The following LRMDA variants were observed in gnomAD, a reference collection of about 807,000 sequenced individuals.
LRMDA encodes the protein leucine rich melanocyte differentiation associated.
Under a neutral mutation model 29.8 loss-of-function variants are expected in LRMDA, and 18 were observed. That is an observed-to-expected ratio of 0.60 (90% CI 0.42 to 0.90). LRMDA has a LOEUF of 0.90. Ranked by LOEUF, LRMDA falls within the 40% of genes least tolerant of loss-of-function variation. The pLI, the probability that LRMDA is intolerant of heterozygous loss-of-function variation, is 0.00. For missense variants in LRMDA, 273 were observed against 273.9 expected, an observed-to-expected ratio of 1.00 and a Z score of 0.02; for synonymous variants, 125 against 109.4, an observed-to-expected ratio of 1.14 and a Z score of -0.89.
chr10:75,586,511 C>G (rs537200488), intron 2 of LRMDA, among the ~76,000 whole-genome samples: 1 of 152,068 alleles, frequency 6.6e-6, no homozygotes, highest in African/African-American at 2.4e-5. Flanking sequence ...GTATGCGCCA[C>G]CATGCCTGGC....
chr10:76,260,539 C>G (rs558721573), intron 5 of LRMDA, among the ~76,000 whole-genome samples: 2 of 151,988 alleles, frequency 1.3e-5, no homozygotes, highest in African/African-American at 4.8e-5. Flanking sequence ...AAGGTTTCTG[C>G]GGAGAAACCC....
rs75979885 is a variant in LRMDA, at chr10:75,932,265, C to G, written c.132-103743C>G. Among the ~76,000 whole-genome samples, 401 of 152,266 alleles carry G rather than the reference C, an allele frequency of 2.6e-3. 2 individuals carry two copies. Among genetic ancestry groups the G allele is most frequent in the African/African-American group, 9.0e-3 (374 of 41,556 alleles). The stretch of plus-strand genomic sequence containing the variant: ...AAAGCTTTCTGATCAGTATAGCTGA[C>G]TGATCAAGCCACATGGCTGCAAATT... On this transcript the variant is annotated intron_variant, in intron 2 of 6. Transcript: ENST00000611255.
chr10:76,435,293 C>T (rs1226465774), intron 6 of LRMDA, among the ~76,000 whole-genome samples: 2 of 152,172 alleles, frequency 1.3e-5, no homozygotes, highest in Non-Finnish European at 2.9e-5. Flanking sequence ...TATAACTTGG[C>T]CTTGCCAAGA....
chr10:76,355,927 G>T (rs779099920), intron 6 of LRMDA, among the ~76,000 whole-genome samples: 3 of 152,102 alleles, frequency 2.0e-5, no homozygotes, highest in Non-Finnish European at 4.4e-5. Context: ...AACTTGTATT[G>T]TTCCCCTTGA....
Position 75,688,224 on chromosome 10 carries a change from G to GA in LRMDA, c.131+249730_131+249731insA, listed in dbSNP as rs1450034350. ...AGATAGTGATTTCTCTGATGGATCT[G>GA]TCAAAGTAAATTGAAAACCTTCTGG... On this transcript the variant is annotated intron_variant, in intron 2 of 6. Transcript: ENST00000611255. Among the ~76,000 whole-genome samples the GA allele has an allele frequency of 3.0e-4, 46 of 152,294 alleles. No homozygotes were observed. The East Asian group carries it at 8.1e-3, about 27-fold the overall frequency.
At chr10:75,974,889 C>T (rs745792700) in intron 2 of LRMDA, among the ~76,000 whole-genome samples, 3 of 152,160 alleles carry the variant, frequency 2.0e-5, no homozygotes, top group Non-Finnish European at 4.4e-5. Context: ...ATGCAAGGCA[C>T]TGTATTAGCT....
chr10:75,435,702 C>G (rs1056802156), intron 1 of LRMDA, among the ~76,000 whole-genome samples: 4 of 152,126 alleles, frequency 2.6e-5, no homozygotes, highest in Admixed American at 1.3e-4. Context: ...TGTGAGTGAT[C>G]CAAATGCTTT....
chr10:76,420,763 G>A (rs1385561518), intron 6 of LRMDA, among the ~76,000 whole-genome samples: 4 of 151,988 alleles, frequency 2.6e-5, no homozygotes, highest in Non-Finnish European at 5.9e-5. Flanking sequence ...TTTCTATGCT[G>A]ATTTTTTTGA....
intron 2 of LRMDA, among the ~76,000 whole-genome samples, chr10:75,671,704 T>C (rs1841893190): frequency 6.6e-6 from 1 of 151,984 alleles, no homozygotes; most frequent in African/African-American, 2.4e-5. Flanking sequence ...GGTTGATAGG[T>C]GCAGCAAACC....
chr10:76,363,034 C>T (rs1473595822), intron 6 of LRMDA, among the ~76,000 whole-genome samples: 7 of 150,286 alleles, frequency 4.7e-5, no homozygotes, highest in African/African-American at 7.4e-5. Flanking sequence ...AATACTCAAT[C>T]ATTTTTGTTA....
chr10:75,606,953 G>A (rs1840963715), intron 2 of LRMDA, among the ~76,000 whole-genome samples: 1 of 152,158 alleles, frequency 6.6e-6, no homozygotes, highest in Admixed American at 6.5e-5. Flanking sequence ...ATTTGATTTG[G>A]CAGTGCATTA....
Position 75,782,619 on chromosome 10 carries a change from T to C in LRMDA, c.132-253389T>C, listed in dbSNP as rs977006409. On this transcript the variant is annotated intron_variant, in intron 2 of 6. Transcript: ENST00000611255. ...TCCGGACAGAGAGATGTTTTTCCCT[T>C]GGGTTGGGAATGGCATGTTCTGAGC... 1.1e-5 allele frequency: 7 copies of C among 620,712 alleles called. No homozygotes were observed. In the African/African-American group the frequency reaches 1.4e-4, roughly 12 times the overall value. 38.5% of individuals were successfully genotyped at this position (620,712 alleles called of 1,614,324 possible).
At chr10:75,859,646 C>T (rs1185872806) in intron 2 of LRMDA, among the ~76,000 whole-genome samples, 3 of 130,162 alleles carry the variant, frequency 2.3e-5, no homozygotes, top group African/African-American at 6.7e-5. Flanking sequence ...CACACACACA[C>T]ATACATCTGG....
At chr10:75,845,706 C>A (rs909621007) in intron 2 of LRMDA, among the ~76,000 whole-genome samples, 1 of 152,158 alleles carries the variant, frequency 6.6e-6, no homozygotes, top group Non-Finnish European at 1.5e-5. Context: ...ATGGCTCCCC[C>A]CTGGCACATC....
chr10:75,946,126 C>T (rs575854767), intron 2 of LRMDA, among the ~76,000 whole-genome samples: 15 of 152,316 alleles, frequency 9.8e-5, no homozygotes, highest in African/African-American at 3.4e-4. Context: ...GGAGCACCAT[C>T]GTGGGCCATT....
At chr10:76,542,768 C>T (rs141274640) in intron 6 of LRMDA, among the ~76,000 whole-genome samples, 2,170 of 152,276 alleles carry the variant, frequency 0.014, 20 homozygotes, top group Middle Eastern at 0.037. Context: ...CTATATCCTT[C>T]AGATATGTCT....
chr10:75,699,034 C>G (rs757794506), intron 2 of LRMDA, among the ~76,000 whole-genome samples: 7 of 152,020 alleles, frequency 4.6e-5, no homozygotes, highest in Non-Finnish European at 8.8e-5. Context: ...AACTCCATCT[C>G]TACTAAAAAT....
At chr10:75,916,619 G>A (rs565822593) in intron 2 of LRMDA, among the ~76,000 whole-genome samples, 1 of 152,252 alleles carries the variant, frequency 6.6e-6, no homozygotes, top group South Asian at 2.1e-4. Flanking sequence ...TTTAAAATAA[G>A]TTTTTCATTA....
At chr10:76,348,369 T>C (rs777571817) in intron 6 of LRMDA, among the ~76,000 whole-genome samples, 23 of 152,200 alleles carry the variant, frequency 1.5e-4, no homozygotes, top group Non-Finnish European at 2.9e-4. Context: ...ATTAGAAATG[T>C]GCTTCTCAAG....
Sources: gnomAD v4.1 joint callset for allele counts (sites outside exome capture counted in the v4.1 genomes callset) on GRCh38, gnomAD v4.1.1 for gene constraint, MANE v1.5 for transcripts, NCBI Gene and HGNC (gene_info 2026-07-23, HGNC 2026-07-21) for gene names.